The following CTC1 variants were observed in gnomAD, a reference collection of about 807,000 sequenced individuals.
The protein encoded by CTC1 is CST complex subunit CTC1.
CTC1 carries 91 observed loss-of-function variants against 136.3 expected under a neutral mutation model. The ratio of observed to expected loss-of-function variants is 0.67; its 90% CI spans 0.56 to 0.79. The LOEUF (loss-of-function observed/expected upper bound fraction) is 0.79. Among genes scored for constraint, CTC1 ranks in the 30% least tolerant of loss-of-function variants. CTC1 has a pLI of 0.00. For missense variants in CTC1, 1,432 were observed against 1,498.1 expected, an observed-to-expected ratio of 0.96 and a Z score of 0.73; for synonymous variants, 606 against 613.8, an observed-to-expected ratio of 0.99 and a Z score of 0.19.
chr17:8,242,749 CTT>C (rs1324534897), intron 2 of CTC1, among the ~76,000 whole-genome samples: 4 of 151,656 alleles, frequency 2.6e-5, no homozygotes, highest in Non-Finnish European at 4.4e-5. Flanking sequence ...TCCAAATTTT[CTT>C]TCTCTCTTCC....
rs916752845 is a variant in CTC1 at position 8,233,011 on chromosome 17, C to T, written c.1840G>A (p.Ala614Thr). 2 of 1,613,944 alleles carry T rather than the reference C, an allele frequency of 1.2e-6. No homozygotes were observed. Among genetic ancestry groups the T allele is most frequent in the Admixed American group, 1.7e-5 (1 of 59,970 alleles). The change falls in exon 11 of 23, where the codon GCT becomes ACT. Residue 614 changes from alanine to threonine, a missense_variant. By Grantham distance (58) the Ala-to-Thr change is moderately conservative. Coordinates refer to ENST00000651323, the MANE Select transcript of CTC1 (RefSeq NM_025099.6). ...PAQVLLGVLV[A>T]SSHKGCLQLR... is the part of the protein sequence containing the mutation. ...TGCAGACAACCTTTATGAGATGAAG[C>T]CACCAGAACCCCAAGTAAAACCTGC... is the stretch of plus-strand genomic sequence containing the variant.
chr17:8,236,154 T>C lies in CTC1; in HGVS notation c.981A>G (p.Leu327=). The part of the protein sequence containing the change: ...ELELELEGPL[L]EADPKPLPMP... Reference sequence around the variant, plus strand: ...TGGGGAGTGGCTTGGGGTCAGCCTCTAAGAGGGGTCCTTCCAGCTCCAGTT... The same window carrying C: ...TGGGGAGTGGCTTGGGGTCAGCCTCCAAGAGGGGTCCTTCCAGCTCCAGTT... Residue 327 remains leucine (L), a synonymous_variant, in exon 6 of 23, where the codon TTA becomes TTG. Coordinates refer to ENST00000651323, the MANE Select transcript of CTC1 (RefSeq NM_025099.6). The C allele has an allele frequency of 6.2e-7, 1 of 1,614,216 alleles. No individual in the cohort carries two copies. Among genetic ancestry groups the C allele is most frequent in the South Asian group, 1.1e-5 (1 of 91,080 alleles).
At position 8,229,446 on chromosome 17, in the gene CTC1, G is replaced by A. The variant is rs772609095; in HGVS notation, c.3012C>T (p.Ser1004=). ...VLSFPPETTI[S]IPLPHIYLAE... ...CCAGGTAGATGTGGGGCAGGGGAAT[G>A]CTAAATAAATACAGGGAGACAGAGA... The change falls in exon 19 of 23, where the codon AGC becomes AGT. Residue 1004 remains serine, a splice_region_variant and synonymous_variant. Transcript: ENST00000651323. 3 of 1,611,594 alleles carry A rather than the reference G, an allele frequency of 1.9e-6. No individual in the cohort carries two copies. Among genetic ancestry groups the A allele is most frequent in the African/African-American group, 2.7e-5 (2 of 74,970 alleles).
chr17:8,236,026 C>G (rs765126485), intron 6 of CTC1, 32 bp downstream of exon 6: 2 of 1,599,552 alleles, frequency 1.3e-6, no homozygotes, highest in East Asian at 4.5e-5. Context: ...ATTTCTGGCC[C>G]CTCAAGCTCT....
intron 2 of CTC1, among the ~76,000 whole-genome samples, chr17:8,240,004 G>A (rs1988073942): frequency 6.6e-6 from 1 of 152,078 alleles, no homozygotes; most frequent in Admixed American, 6.6e-5. Context: ...TCAAAACCCT[G>A]TAAACACCAC....
Position 8,230,563 on chromosome 17 carries a change from C to T in CTC1, c.2758G>A (p.Gly920Arg), listed in dbSNP as rs1987129929. Residue 920 changes from glycine (G) to arginine (R), a missense_variant and splice_region_variant, in exon 16 of 23, where the codon GGG becomes AGG. Physicochemically the swap from Gly to Arg is moderately radical, Grantham distance 125. Coordinates refer to ENST00000651323, the MANE Select transcript of CTC1 (RefSeq NM_025099.6). ...TTCCCCACAAAGGAAGGGTCATTACCCAGTTTCATCCAGAGAGACGCCACA... is the reference window on the plus strand; with the variant it reads ...TTCCCCACAAAGGAAGGGTCATTACTCAGTTTCATCCAGAGAGACGCCACA... The part of the protein sequence containing the change: ...PLVASLWMKL[G>R]NTGAMRRCVK... 1 of 1,614,054 alleles carries T rather than the reference C, an allele frequency of 6.2e-7. No individual in the cohort carries two copies. Among genetic ancestry groups the T allele is most frequent in the Non-Finnish European group, 8.5e-7 (1 of 1,179,952 alleles).
Position 8,227,108 on chromosome 17 carries a change from C to G in CTC1, c.*1072G>C, listed in dbSNP as rs189822939. 4.6e-5 allele frequency: 7 copies of G among 152,160 alleles called. No individual in the cohort carries two copies. Among genetic ancestry groups the G allele is most frequent in the African/African-American group, 1.2e-4 (5 of 41,434 alleles). 9.4% of individuals were successfully genotyped at this position (152,160 alleles called of 1,614,324 possible). ...CTTCAAATCTTAATATAGGGTATTG[C>G]TACCATAAAAGCAGCATAAATCCCA... On this transcript the variant is annotated 3_prime_UTR_variant, in exon 23 of 23. Transcript: ENST00000651323.
chr17:8,227,054 G>A lies in CTC1; in HGVS notation c.*1126C>T, dbSNP rs189581070. 11 of 151,136 alleles carry A rather than the reference G, an allele frequency of 7.3e-5. No homozygotes were observed. The highest frequency in any genetic ancestry group is 1.5e-4 in the African/African-American group (6 of 40,212). The allele number at this position is 151,136 out of a possible 1,614,324, so 9.4% of individuals were successfully genotyped here. On this transcript the variant is annotated 3_prime_UTR_variant, in exon 23 of 23. Transcript: ENST00000651323. ...TTAGCACCACGCTCTAACCAACTGA[G>A]CTAACCGGCCACTAACTTTCCGGGT... is the stretch of plus-strand genomic sequence containing the variant.
Position 8,242,977 on chromosome 17 carries a change from C to T in CTC1, c.197+8G>A, listed in dbSNP as rs1272594777. On this transcript the variant is annotated splice_region_variant and intron_variant, in intron 2 of 22. Coordinates refer to ENST00000651323, the MANE Select transcript of CTC1 (RefSeq NM_025099.6). ...TGCCCAGCCCCCGCAACCGCCACCT[C>T]TCCTTACCTATAGCTGAGGGGCAGT... 5 of 1,608,390 alleles carry T rather than the reference C, an allele frequency of 3.1e-6. No individual in the cohort carries two copies. In the South Asian group the frequency reaches 4.4e-5, roughly 14 times the overall value.
intron 17 of CTC1, 155 bp from the exon 18 acceptor site, chr17:8,230,123 G>A (rs1296444613): frequency 3.1e-6 from 3 of 958,084 alleles, no homozygotes; most frequent in Non-Finnish European, 4.8e-6. Context: ...ACTAGGAGGA[G>A]GACCAGCCTG....
chr17:8,228,060 G>GT lies in CTC1; in HGVS notation c.*119dup, dbSNP rs1986868181. 1 of 1,002,616 alleles carries GT rather than the reference G, an allele frequency of 1.0e-6. No homozygotes were observed. The highest frequency in any genetic ancestry group is 1.5e-6 in the Non-Finnish European group (1 of 670,130). 62.1% of individuals were successfully genotyped at this position (1,002,616 alleles called of 1,614,324 possible). A position where few individuals can be genotyped will look rare whatever the true frequency, so the allele number is the denominator to read the frequency against. On this transcript the variant is annotated 3_prime_UTR_variant, in exon 23 of 23. Coordinates refer to ENST00000651323, the MANE Select transcript of CTC1 (RefSeq NM_025099.6). ...ACCAAAGAAGGGAAATTATAGTGGA[G>GT]TAGCAGTTTGTGAATCTGGAGTCCT...
Position 8,236,720 on chromosome 17 carries a change from G to A in CTC1, c.793-378C>T, listed in dbSNP as rs375012176. ...GATGTCAAGGGAAGTATGACAAACT[G>A]TTCTTCTCTAACACAGTAAGGCCCT... On this transcript the variant is annotated intron_variant, in intron 5 of 22. Transcript: ENST00000651323. Among the ~76,000 whole-genome samples the A allele has an allele frequency of 3.9e-5, 6 of 152,026 alleles. No individual in the cohort carries two copies. In the South Asian group the frequency reaches 6.2e-4, roughly 16 times the overall value.
At position 8,224,955 on chromosome 17, in the gene CTC1, A is replaced by C. The variant is rs964735898; in HGVS notation, c.*3225T>G. 2.6e-5 allele frequency: 4 copies of C among 152,222 alleles called. No individual in the cohort carries two copies. Among genetic ancestry groups the C allele is most frequent in the African/African-American group, 9.6e-5 (4 of 41,538 alleles). 9.4% of individuals were successfully genotyped at this position (152,222 alleles called of 1,614,324 possible). On this transcript the variant is annotated 3_prime_UTR_variant, in exon 23 of 23. Transcript: ENST00000651323. ...AAGGTTGAAGCGATTCTCTTGCCTC[A>C]GCCTCCCAAGTAGCTAGGACTGCAG...
intron 2 of CTC1, among the ~76,000 whole-genome samples, chr17:8,240,055 G>A (rs559014629): frequency 2.6e-5 from 4 of 152,234 alleles, no homozygotes; most frequent in African/African-American, 9.6e-5. Context: ...AGAGGCATGG[G>A]TGGCAAAGCT....
chr17:8,232,386 C>T lies in CTC1; in HGVS notation c.2035G>A (p.Gly679Ser), dbSNP rs764361529. ...FPSWKELSMP[G>S]FIQKQQARVY... is the part of the protein sequence containing the mutation. ...CTGGCCTGCTGCTTCTGGATGAAGC[C>T]TGGCATGCTCAGCTCCTTCCAGGAA... is the stretch of plus-strand genomic sequence containing the variant. The change falls in exon 12 of 23, where the codon GGC becomes AGC. Residue 679 changes from glycine to serine, a missense_variant. Transcript: ENST00000651323. The T allele has an allele frequency of 6.2e-7, 1 of 1,614,142 alleles. No individual in the cohort carries two copies. Among genetic ancestry groups the T allele is most frequent in the African/African-American group, 1.3e-5 (1 of 75,064 alleles).
chr17:8,237,845 G>T (rs982511813), intron 4 of CTC1, among the ~76,000 whole-genome samples, 186 bp downstream of exon 4: 1 of 151,964 alleles, frequency 6.6e-6, no homozygotes, highest in African/African-American at 2.4e-5. Context: ...CTTTCCCTTA[G>T]GTAAGGCACA....
intron 15 of CTC1, chr17:8,231,032 T>C (rs868655849): frequency 2.0e-6 from 1 of 489,164 alleles, no homozygotes. Flanking sequence ...TCCCAGCTAT[T>C]TGGGAGGCTG....
At chr17:8,232,617 C>G in intron 11 of CTC1, 142 bp from the exon 12 acceptor site, 1 of 706,996 alleles carries the variant, frequency 1.4e-6, no homozygotes. Context: ...ACCTGACCCC[C>G]ACCTTAGAGG....
rs1237219487 is a variant in CTC1, at chr17:8,230,659, G to T, written c.2670-8C>A. ...ACCAAGGAATCTGTGAAACTGGAAGGTCAGGGAAATACACTGAGAATGGAG... is the reference window on the plus strand; with the variant it reads ...ACCAAGGAATCTGTGAAACTGGAAGTTCAGGGAAATACACTGAGAATGGAG... On this transcript the variant is annotated splice_polypyrimidine_tract_variant and splice_region_variant and intron_variant, in intron 15 of 22. Coordinates refer to ENST00000651323, the MANE Select transcript of CTC1 (RefSeq NM_025099.6). 4 of 1,613,036 alleles carry T rather than the reference G, an allele frequency of 2.5e-6. No individual in the cohort carries two copies. Among genetic ancestry groups the T allele is most frequent in the Non-Finnish European group, 2.5e-6 (3 of 1,178,960 alleles).
Sources: gnomAD v4.1 joint callset for allele counts (sites outside exome capture counted in the v4.1 genomes callset) on GRCh38, gnomAD v4.1.1 for gene constraint, MANE v1.5 for transcripts, NCBI Gene and HGNC (gene_info 2026-07-23, HGNC 2026-07-21) for gene names.